The following NLGN1 variants were observed in gnomAD, a reference collection of about 807,000 sequenced individuals.
NLGN1 encodes the protein neuroligin 1.
A neutral mutation model predicts 65.5 loss-of-function variants in NLGN1; 12 were observed. That is an observed-to-expected ratio of 0.18 (90% confidence interval 0.12 to 0.30). The LOEUF (loss-of-function observed/expected upper bound fraction) is 0.30, where lower values mean the gene tolerates loss of function less well. Among genes scored for constraint, NLGN1 ranks in the 10% least tolerant of loss-of-function variants. NLGN1 has a pLI of 1.00. For missense variants in NLGN1, 750 were observed against 1,007.1 expected, an observed-to-expected ratio of 0.74 and a Z score of 3.46; for synonymous variants, 350 against 359.5, an observed-to-expected ratio of 0.97 and a Z score of 0.30.
At chr3:173,517,789 T>TCTATCTAG (rs1173455730) in intron 2 of NLGN1, among the ~76,000 whole-genome samples, 1 of 151,888 alleles carries the variant, frequency 6.6e-6, no homozygotes, top group East Asian at 1.9e-4. Flanking sequence ...TATCTATCTA[T>TCTATCTAG]CTATCTATCT....
intron 2 of NLGN1, among the ~76,000 whole-genome samples, chr3:173,560,822 A>G (rs1050648683): frequency 6.6e-6 from 1 of 152,190 alleles, no homozygotes; most frequent in Non-Finnish European, 1.5e-5. Context: ...ATAGTTCAGT[A>G]CTAGAGAAGT....
chr3:173,433,873 T>G (rs1485107986), intron 1 of NLGN1, among the ~76,000 whole-genome samples: 1 of 152,178 alleles, frequency 6.6e-6, no homozygotes, highest in Non-Finnish European at 1.5e-5. Flanking sequence ...GGGAAACAAG[T>G]TGCTTAAATA....
intron 4 of NLGN1, chr3:174,057,713 G>A (rs1472017225): frequency 6.6e-6 from 1 of 152,056 alleles, no homozygotes; most frequent in Non-Finnish European, 1.5e-5. Context: ...TGACTTGGTA[G>A]GTGGGGTCTC....
intron 3 of NLGN1, among the ~76,000 whole-genome samples, chr3:173,635,110 A>G (rs1320118639): frequency 6.6e-6 from 1 of 152,172 alleles, no homozygotes; most frequent in Non-Finnish European, 1.5e-5. Context: ...AACAACATTA[A>G]TAGTTATATT....
intron 3 of NLGN1, among the ~76,000 whole-genome samples, chr3:173,690,768 T>A (rs1451371209): frequency 6.6e-6 from 1 of 152,166 alleles, no homozygotes. Flanking sequence ...ATAGATTTTT[T>A]AAAAAGATAA....
chr3:173,454,657 C>G (rs1350774451), intron 2 of NLGN1, among the ~76,000 whole-genome samples: 1 of 152,198 alleles, frequency 6.6e-6, no homozygotes, highest in Non-Finnish European at 1.5e-5. Flanking sequence ...CTCTAACAGC[C>G]TTCATAGAAT....
intron 4 of NLGN1, among the ~76,000 whole-genome samples, chr3:173,924,726 A>G (rs1362536091): frequency 6.6e-6 from 1 of 152,170 alleles, no homozygotes; most frequent in East Asian, 1.9e-4. Context: ...TGGGAATTAT[A>G]TATTTTTAAA....
At chr3:173,737,510 A>G (rs1773962439) in intron 3 of NLGN1, among the ~76,000 whole-genome samples, 1 of 152,070 alleles carries the variant, frequency 6.6e-6, no homozygotes. Context: ...AAACAGAATC[A>G]TATGATATGC....
At chr3:173,543,646 A>T (rs2149239514) in intron 2 of NLGN1, among the ~76,000 whole-genome samples, 1 of 152,246 alleles carries the variant, frequency 6.6e-6, no homozygotes, top group Non-Finnish European at 1.5e-5. Context: ...TGTAACAGTA[A>T]CCAAAGAACC....
intron 3 of NLGN1, among the ~76,000 whole-genome samples, chr3:173,726,613 T>C (rs1771826440): frequency 6.6e-6 from 1 of 152,146 alleles, no homozygotes; most frequent in Non-Finnish European, 1.5e-5. Context: ...GCCTGTCACC[T>C]TTCTCTAAAC....
intron 4 of NLGN1, among the ~76,000 whole-genome samples, chr3:174,273,991 T>TAAAG (rs1246718676): frequency 6.6e-6 from 1 of 151,758 alleles, no homozygotes. Context: ...GCTTATTTTA[T>TAAAG]AAAGAGATAT....
chr3:173,554,760 T>G (rs1311272838), intron 2 of NLGN1, among the ~76,000 whole-genome samples: 3 of 152,152 alleles, frequency 2.0e-5, no homozygotes, highest in African/African-American at 7.2e-5. Context: ...CATCTAGGAG[T>G]GGAATTTCTG....
intron 4 of NLGN1, among the ~76,000 whole-genome samples, chr3:174,060,113 G>T (rs1050141432): frequency 9.9e-5 from 15 of 152,004 alleles, no homozygotes; most frequent in African/African-American, 3.4e-4. Flanking sequence ...CAAAAAATTT[G>T]TATTTCTACA....
chr3:173,883,525 C>A (rs4337656), intron 4 of NLGN1, among the ~76,000 whole-genome samples: 147,977 of 152,246 alleles, frequency 0.97, 71,944 homozygotes, highest in East Asian at 1. Context: ...TGTTGAAAAA[C>A]CGGTGCTGAT....
chr3:174,007,949 AGTGTGTGTGTGT>A (rs5854543), intron 4 of NLGN1, among the ~76,000 whole-genome samples: 5 of 148,736 alleles, frequency 3.4e-5, no homozygotes, highest in African/African-American at 1.2e-4. Context: ...GACCAGTCTA[AGTGTGTGTGTGT>A]GTGTGTGTGT....
intron 4 of NLGN1, among the ~76,000 whole-genome samples, chr3:173,904,262 A>C (rs965188765): frequency 6.6e-6 from 1 of 152,042 alleles, no homozygotes; most frequent in Non-Finnish European, 1.5e-5. Context: ...CTCTCCTTTT[A>C]TCTCTCCTTT....
At chr3:173,953,533 A>G (rs1438070051) in intron 4 of NLGN1, among the ~76,000 whole-genome samples, 1 of 151,890 alleles carries the variant, frequency 6.6e-6, no homozygotes, top group African/African-American at 2.4e-5. Context: ...TTATTTATTT[A>G]TATACTTACT....
intron 4 of NLGN1, among the ~76,000 whole-genome samples, chr3:174,167,228 T>C (rs1261197710): frequency 1.3e-5 from 2 of 152,104 alleles, no homozygotes; most frequent in African/African-American, 4.8e-5. Context: ...ATTGTGAAGT[T>C]GTTAGCTGGT....
intron 4 of NLGN1, among the ~76,000 whole-genome samples, chr3:174,002,538 CT>C (rs533479428): frequency 2.6e-5 from 4 of 152,018 alleles, no homozygotes; most frequent in African/African-American, 4.8e-5. Flanking sequence ...GGGAATCAGT[CT>C]TTTTTTTCTT....
Sources: gnomAD v4.1 joint callset for allele counts (sites outside exome capture counted in the v4.1 genomes callset) on GRCh38, gnomAD v4.1.1 for gene constraint, MANE v1.5 for transcripts, NCBI Gene and HGNC (gene_info 2026-07-23, HGNC 2026-07-21) for gene names.